SPRED1: variants seen among roughly 807,000 people sequenced by gnomAD.
The protein encoded by SPRED1 is sprouty related EVH1 domain containing 1.
In SPRED1, 18 loss-of-function variants were observed where a neutral mutation model predicts 52.3. The ratio of observed to expected loss-of-function variants is 0.34; its 90% CI spans 0.24 to 0.51. SPRED1 has a LOEUF of 0.51. Among genes scored for constraint, SPRED1 ranks in the 20% least tolerant of loss-of-function variants. The pLI is 0.97. For missense variants in SPRED1, 485 were observed against 551.0 expected, an observed-to-expected ratio of 0.88 and a Z score of 1.20; for synonymous variants, 155 against 179.7, an observed-to-expected ratio of 0.86 and a Z score of 1.10.
intron 4 of SPRED1, among the ~76,000 whole-genome samples, chr15:38,327,892 C>T (rs1477479069): frequency 2.6e-5 from 4 of 152,070 alleles, no homozygotes; most frequent in East Asian, 1.9e-4. Flanking sequence ...TTTCTTAAGA[C>T]GATTAGAATG....
chr15:38,293,123 C>T (rs541434689), intron 1 of SPRED1, among the ~76,000 whole-genome samples: 3 of 2,652 alleles, frequency 1.1e-3, no homozygotes, highest in Non-Finnish European at 4.1e-3. Context: ...TTTTTTGAGA[C>T]GGAGTCTCGC....
chr15:38,301,984 A>G (rs1595734884), intron 2 of SPRED1, among the ~76,000 whole-genome samples: 1 of 151,758 alleles, frequency 6.6e-6, no homozygotes, highest in South Asian at 2.1e-4. Flanking sequence ...TAAACAGTGC[A>G]CTTTAGTAGT....
At chr15:38,266,890 G>T (rs1369882584) in intron 1 of SPRED1, among the ~76,000 whole-genome samples, 1 of 151,984 alleles carries the variant, frequency 6.6e-6, no homozygotes, top group East Asian at 1.9e-4. Flanking sequence ...TTTTGAGTCC[G>T]AACTGTGTTT....
At chr15:38,269,746 T>C (rs998367096) in intron 1 of SPRED1, among the ~76,000 whole-genome samples, 1 of 152,226 alleles carries the variant, frequency 6.6e-6, no homozygotes, top group Non-Finnish European at 1.5e-5. Flanking sequence ...CTGTTTGTGG[T>C]ATCCACTATG....
At chr15:38,285,160 C>G (rs953645683) in intron 1 of SPRED1, among the ~76,000 whole-genome samples, 1 of 152,082 alleles carries the variant, frequency 6.6e-6, no homozygotes, top group African/African-American at 2.4e-5. Context: ...TGAATAACTA[C>G]TAGGAAAAGC....
Position 38,252,945 on chromosome 15 carries a change from G to A in SPRED1, c.-241G>A, listed in dbSNP as rs1400933717. 7 of 591,440 alleles carry A rather than the reference G, an allele frequency of 1.2e-5. No individual in the cohort carries two copies. In the African/African-American group the frequency reaches 1.3e-4, roughly 11 times the overall value. 36.6% of individuals were successfully genotyped at this position (591,440 alleles called of 1,614,324 possible). A position where few individuals can be genotyped will look rare whatever the true frequency, so the allele number is the denominator to read the frequency against. The stretch of plus-strand genomic sequence containing the variant: ...CTCGGATCCCTTGGCTGGGCACTGA[G>A]GCGGGGGAAGAGGCTGGGGTCGCCA... On this transcript the variant is annotated 5_prime_UTR_variant, in exon 1 of 7. Transcript: ENST00000299084.
intron 4 of SPRED1, among the ~76,000 whole-genome samples, chr15:38,337,157 CTG>C (rs1387608761): frequency 1.3e-5 from 2 of 152,042 alleles, no homozygotes; most frequent in Non-Finnish European, 2.9e-5. Flanking sequence ...TATTTTACTT[CTG>C]TGTGTGTAGA....
intron 2 of SPRED1, among the ~76,000 whole-genome samples, chr15:38,309,248 C>A (rs991208058): frequency 6.6e-6 from 1 of 152,158 alleles, no homozygotes; most frequent in Non-Finnish European, 1.5e-5. Flanking sequence ...TCAAACGATT[C>A]TCCTGCCTCA....
intron 4 of SPRED1, among the ~76,000 whole-genome samples, chr15:38,335,371 C>A (rs547637970): frequency 6.6e-6 from 1 of 151,838 alleles, no homozygotes; most frequent in Admixed American, 6.6e-5. Context: ...CAGTTAGAAA[C>A]CTACTGAAAT....
chr15:38,280,236 T>C (rs935332023), intron 1 of SPRED1, among the ~76,000 whole-genome samples: 14 of 152,292 alleles, frequency 9.2e-5, no homozygotes, highest in African/African-American at 3.1e-4. Context: ...GGAAGAGAAA[T>C]ACCTCATTTG....
intron 1 of SPRED1, among the ~76,000 whole-genome samples, chr15:38,265,621 G>GT (rs529563275): frequency 4.0e-4 from 60 of 149,026 alleles, no homozygotes; most frequent in Middle Eastern, 3.4e-3. Flanking sequence ...GCTCTAAGTA[G>GT]TTTTTTTTTT....
intron 1 of SPRED1, among the ~76,000 whole-genome samples, chr15:38,286,441 A>G (rs1894812615): frequency 1.3e-5 from 2 of 151,692 alleles, no homozygotes; most frequent in Non-Finnish European, 2.9e-5. Context: ...ATCTGCTTGT[A>G]TCTTCTAAGT....
In SPRED1 at chr15:38,316,748, G is replaced by GGTTTTTTTTTTTTTTTTTTT; in HGVS notation, c.208-5493_208-5492insGTTTTTTTTTTTTTTTTTTT. Among the ~76,000 whole-genome samples, 14 of 41,916 alleles carry GGTTTTTTTTTTTTTTTTTTT rather than the reference G, an allele frequency of 3.3e-4. 2 individuals are homozygous for GGTTTTTTTTTTTTTTTTTTT. Among genetic ancestry groups the GGTTTTTTTTTTTTTTTTTTT allele is most frequent in the Non-Finnish European group, 4.0e-4 (9 of 22,532 alleles). 27.5% of individuals were successfully genotyped at this position (41,916 alleles called of 152,430 possible). ...TCTAGTTTACAATTTTCCATTATATGTTTTTTTTTTTTTTTTTTTTTTTTG... is the reference window on the plus strand; with the variant it reads ...TCTAGTTTACAATTTTCCATTATATGGTTTTTTTTTTTTTTTTTTTTTTTTTTTTTTTTTTTTTTTTTTTG... On this transcript the variant is annotated intron_variant, in intron 2 of 6. Transcript: ENST00000299084.
intron 5 of SPRED1, among the ~76,000 whole-genome samples, chr15:38,347,485 T>TCC (rs1555392483): frequency 7.4e-5 from 7 of 94,102 alleles, no homozygotes; most frequent in African/African-American, 2.6e-4. Context: ...TTTTTTTTTT[T>TCC]CAATTTGGCT....
chr15:38,289,556 A>G (rs909086413), intron 1 of SPRED1, among the ~76,000 whole-genome samples: 4 of 152,146 alleles, frequency 2.6e-5, no homozygotes, highest in Non-Finnish European at 2.9e-5. Context: ...TGATATAGGG[A>G]GATTATCCTG....
chr15:38,304,929 A>G (rs1445388174), intron 2 of SPRED1, among the ~76,000 whole-genome samples: 1 of 152,078 alleles, frequency 6.6e-6, no homozygotes, highest in Non-Finnish European at 1.5e-5. Flanking sequence ...AATCTCTCAA[A>G]CAACCCTTTC....
At chr15:38,310,666 T>C (rs1895347923) in intron 2 of SPRED1, among the ~76,000 whole-genome samples, 1 of 152,224 alleles carries the variant, frequency 6.6e-6, no homozygotes, top group Non-Finnish European at 1.5e-5. Context: ...GTTTTGTTAA[T>C]TGTATACCTG....
intron 2 of SPRED1, among the ~76,000 whole-genome samples, chr15:38,315,146 T>C (rs1011560112): frequency 2.0e-5 from 3 of 151,944 alleles, no homozygotes; most frequent in African/African-American, 7.2e-5. Context: ...GAGATATCAG[T>C]TATTGACTTT....
At chr15:38,296,479 C>T (rs1162808241) in intron 1 of SPRED1, among the ~76,000 whole-genome samples, 3 of 151,780 alleles carry the variant, frequency 2.0e-5, no homozygotes, top group Non-Finnish European at 1.5e-5. Context: ...CTACATGGTC[C>T]AATACAACTG....
Sources: gnomAD v4.1 joint callset for allele counts (sites outside exome capture counted in the v4.1 genomes callset) on GRCh38, gnomAD v4.1.1 for gene constraint, MANE v1.5 for transcripts, NCBI Gene and HGNC (gene_info 2026-07-23, HGNC 2026-07-21) for gene names.